TSPAN18: variants seen among roughly 807,000 people sequenced by gnomAD.
TSPAN18 encodes tetraspanin 18.
TSPAN18 carries 14 observed loss-of-function variants against 27.3 expected under a neutral mutation model. That is an observed-to-expected ratio of 0.51 (90% CI 0.34 to 0.80). The LOEUF is 0.80. Ranked by LOEUF, TSPAN18 falls within the 30% of genes least tolerant of loss-of-function variation. The pLI is 0.01. For missense variants in TSPAN18, 268 were observed against 323.9 expected (o/e 0.83, Z 1.32); for synonymous variants, 143 against 136.5 (o/e 1.05, Z -0.33).
chr11:44,786,658 G>T (rs1401041124), intron 2 of TSPAN18, among the ~76,000 whole-genome samples: 2 of 115,314 alleles, frequency 1.7e-5, no homozygotes, highest in East Asian at 2.3e-4. Context: ...TAAAGACAGA[G>T]TTTCACTCTG....
rs113731004 is a variant in TSPAN18 at position 44,921,865 on chromosome 11, C to T, written c.615+1866C>T. On this transcript the variant is annotated intron_variant, in intron 8 of 9. Transcript: ENST00000520358. ...GCTTCCCATTTCTGGACTCATCCTC[C>T]GTTAGGATGTCTCCTTTCCTCTCCT... 7.7e-3 allele frequency among the ~76,000 whole-genome samples: 1,180 copies of T among 152,310 alleles called. 7 individuals are homozygous for T. The highest frequency in any genetic ancestry group is 0.013 in the Admixed American group (196 of 15,302).
chr11:44,761,280 C>T (rs1855449008), intron 1 of TSPAN18, among the ~76,000 whole-genome samples: 1 of 152,176 alleles, frequency 6.6e-6, no homozygotes, highest in Non-Finnish European at 1.5e-5. Flanking sequence ...TACACTCTGC[C>T]ACTTGCACCC....
At chr11:44,871,172 A>C (rs982791244) in intron 3 of TSPAN18, among the ~76,000 whole-genome samples, 2 of 152,188 alleles carry the variant, frequency 1.3e-5, no homozygotes, top group African/African-American at 4.8e-5. Flanking sequence ...AGTTTGGGCT[A>C]TTATAACAAA....
chr11:44,862,305 C>T (rs558129331), intron 3 of TSPAN18, among the ~76,000 whole-genome samples: 3 of 152,336 alleles, frequency 2.0e-5, no homozygotes, highest in African/African-American at 7.2e-5. Flanking sequence ...AAATATTCCT[C>T]TGCAGAAAAA....
chr11:44,847,894 C>T (rs12287862), intron 2 of TSPAN18, among the ~76,000 whole-genome samples: 17,078 of 151,622 alleles, frequency 0.11, 1,030 homozygotes, highest in Middle Eastern at 0.19. Context: ...AGTGCAATGG[C>T]GTGATCTCAG....
At position 44,896,566 on chromosome 11, in the gene TSPAN18, G is replaced by A. The variant is rs558009378; in HGVS notation, c.-10-9841G>A. Among the ~76,000 whole-genome samples, 3 of 152,248 alleles carry A rather than the reference G, an allele frequency of 2.0e-5. No individual in the cohort carries two copies. The Middle Eastern group carries it at 0.01, about 518-fold the overall frequency. ...ATGTTTAGGCCAAATAGGGGTGCCA[G>A]CTCCCGGGGCTGTGGCCATGTCTCA... On this transcript the variant is annotated intron_variant, in intron 3 of 9. Coordinates refer to ENST00000520358, the MANE Select transcript of TSPAN18 (RefSeq NM_130783.5).
At position 44,864,062 on chromosome 11, in the gene TSPAN18, G is replaced by A. The variant is rs190074504; in HGVS notation, c.-11+3593G>A. Among the ~76,000 whole-genome samples the A allele has an allele frequency of 2.0e-3, 310 of 152,066 alleles. 6 individuals are homozygous for A. Among genetic ancestry groups the A allele is most frequent in the Admixed American group, 0.017 (260 of 15,276 alleles). ...CCAGCATTTTGGGAGGCTGAGGCGG[G>A]CGGATCTCAAGGTCAGGAGTTCGAG... On this transcript the variant is annotated intron_variant, in intron 3 of 9. Transcript: ENST00000520358.
At chr11:44,802,874 G>A (rs924436802) in intron 2 of TSPAN18, among the ~76,000 whole-genome samples, 1 of 152,208 alleles carries the variant, frequency 6.6e-6, no homozygotes, top group African/African-American at 2.4e-5. Context: ...GTTGTTCAGA[G>A]TATTGCTCTG....
intron 2 of TSPAN18, among the ~76,000 whole-genome samples, chr11:44,822,872 G>A (rs143521066): frequency 6.6e-6 from 1 of 152,158 alleles, no homozygotes; most frequent in Non-Finnish European, 1.5e-5. Flanking sequence ...CAAGTTAAGG[G>A]AATTAAAGGG....
Position 44,932,404 on chromosome 11 carries a change from GAATA to G in TSPAN18, c.*3231_*3234del, listed in dbSNP as rs1251195030. On this transcript the variant is annotated 3_prime_UTR_variant, in exon 10 of 10. Transcript: ENST00000520358. ...TCTTACAAAAAGAAAAAGGAACAAA[GAATA>G]AATAGTGACCGTGAAGAAAGGTGGT... The G allele has an allele frequency of 1.3e-5, 2 of 152,250 alleles. No individual in the cohort carries two copies. The highest frequency in any genetic ancestry group is 6.5e-5 in the Admixed American group (1 of 15,280). 9.4% of individuals were successfully genotyped at this position (152,250 alleles called of 1,614,324 possible). A position where few individuals can be genotyped will look rare whatever the true frequency, so the allele number is the denominator to read the frequency against.
At chr11:44,783,479 A>T (rs1347639268) in intron 2 of TSPAN18, among the ~76,000 whole-genome samples, 1 of 150,170 alleles carries the variant, frequency 6.7e-6, no homozygotes, top group African/African-American at 2.5e-5. Flanking sequence ...GCTCACTGCA[A>T]CCTCCACCTT....
At chr11:44,904,315 T>C (rs1343620283) in intron 3 of TSPAN18, among the ~76,000 whole-genome samples, 1 of 152,186 alleles carries the variant, frequency 6.6e-6, no homozygotes, top group Non-Finnish European at 1.5e-5. Flanking sequence ...CAAGTTGCAA[T>C]AGGGACCAGT....
At chr11:44,916,029 G>A (rs114347945) in intron 5 of TSPAN18, among the ~76,000 whole-genome samples, 344 of 152,340 alleles carry the variant, frequency 2.3e-3, no homozygotes, top group African/African-American at 7.7e-3. Flanking sequence ...ATTGAGGAGT[G>A]ACACATCCCC....
chr11:44,844,514 C>T (rs538726665), intron 2 of TSPAN18, among the ~76,000 whole-genome samples: 1 of 152,294 alleles, frequency 6.6e-6, no homozygotes, highest in Admixed American at 6.5e-5. Context: ...ATCATCTGCC[C>T]AGTTTTAGCT....
At chr11:44,792,118 A>G (rs1189527125) in intron 2 of TSPAN18, among the ~76,000 whole-genome samples, 4 of 152,214 alleles carry the variant, frequency 2.6e-5, no homozygotes, top group African/African-American at 9.7e-5. Flanking sequence ...TAAATATTAT[A>G]TAATTTCATG....
intron 1 of TSPAN18, among the ~76,000 whole-genome samples, chr11:44,727,560 C>G (rs112721912): frequency 6.6e-6 from 1 of 152,154 alleles, no homozygotes; most frequent in Non-Finnish European, 1.5e-5. Context: ...CGGTGGGCTC[C>G]CAGTGCTCCG....
chr11:44,753,114 G>A (rs752174998), intron 1 of TSPAN18, among the ~76,000 whole-genome samples: 8 of 152,022 alleles, frequency 5.3e-5, no homozygotes, highest in Non-Finnish European at 1.2e-4. Context: ...TTTCTCACTT[G>A]ATATTATAGC....
intron 1 of TSPAN18, among the ~76,000 whole-genome samples, chr11:44,753,367 C>T (rs1297597503): frequency 2.0e-5 from 3 of 152,062 alleles, no homozygotes; most frequent in African/African-American, 7.2e-5. Flanking sequence ...CCTGACCTCA[C>T]GATCCGCCCG....
intron 3 of TSPAN18, among the ~76,000 whole-genome samples, chr11:44,890,909 C>T (rs750372851): frequency 2.6e-5 from 4 of 152,276 alleles, no homozygotes; most frequent in Admixed American, 2.0e-4. Flanking sequence ...CAGTGGCTCA[C>T]GTCTGTAATC....
Sources: gnomAD v4.1 joint callset for allele counts (sites outside exome capture counted in the v4.1 genomes callset) on GRCh38, gnomAD v4.1.1 for gene constraint, MANE v1.5 for transcripts, NCBI Gene and HGNC (gene_info 2026-07-23, HGNC 2026-07-21) for gene names.